The following HECTD3 variants were observed in gnomAD, a reference collection of about 807,000 sequenced individuals.
The protein encoded by HECTD3 is E3 ubiquitin-protein ligase HECTD3.
A neutral mutation model predicts 109.3 loss-of-function variants in HECTD3; 72 were observed. The observed-to-expected ratio is 0.66, with a 90% CI of 0.54 to 0.80. The LOEUF is 0.80. Ranked by LOEUF, HECTD3 falls within the 30% of genes least tolerant of loss-of-function variation. The pLI is 0.00. For synonymous variants in HECTD3, 481 were observed against 471.8 expected, an observed-to-expected ratio of 1.02 and a Z score of -0.25; for missense variants, 1,041 against 1,165.2, an observed-to-expected ratio of 0.89 and a Z score of 1.55.
chr1:45,008,601 C>T lies in HECTD3; in HGVS notation c.1173G>A (p.Val391=). The T allele has an allele frequency of 6.2e-7, 1 of 1,614,016 alleles. No individual in the cohort carries two copies. The highest frequency in any genetic ancestry group is 8.5e-7 in the Non-Finnish European group (1 of 1,179,934). The change falls in exon 8 of 21, where the codon GTG becomes GTA. Residue 391 remains valine, a synonymous_variant. Coordinates refer to ENST00000372172, the MANE Select transcript of HECTD3 (RefSeq NM_024602.6). ...CGGTGCCTTCTAGGCGTGGATATCG[C>T]ACCAGACTAGTTGGCTGGAACAGGT... ...NADLFQPTSL[V]RYPRLEGTDP...
Position 45,003,399 on chromosome 1 carries a change from T to A in HECTD3, c.*93A>T. On this transcript the variant is annotated 3_prime_UTR_variant, in exon 21 of 21. Transcript: ENST00000372172. The surrounding 1 kb of genome is among the most constrained non-coding windows in gnomAD (Gnocchi z 4.7). ...GGCACATGGGGTTTTGCTGAGCACGTCAGCCAAACCAGGGCAGGGAAGGTG... is the reference window on the plus strand; with the variant it reads ...GGCACATGGGGTTTTGCTGAGCACGACAGCCAAACCAGGGCAGGGAAGGTG... 8.6e-7 allele frequency: 1 copy of A among 1,157,608 alleles called. No homozygotes were observed. Among genetic ancestry groups the A allele is most frequent in the Middle Eastern group, 2.8e-4 (1 of 3,632 alleles). 71.7% of individuals were successfully genotyped at this position (1,157,608 alleles called of 1,614,324 possible). A position where few individuals can be genotyped will look rare whatever the true frequency, so the allele number is the denominator to read the frequency against.
intron 15 of HECTD3, 162 bp from the exon 16 acceptor site, chr1:45,004,968 G>A: frequency 1.5e-6 from 1 of 670,124 alleles, no homozygotes. Context: ...AAAGCATCAA[G>A]ACAACACCTA....
At chr1:45,009,821 G>A (rs1012321129) in intron 4 of HECTD3, 138 bp from the exon 5 acceptor site, 23 of 1,042,592 alleles carry the variant, frequency 2.2e-5, no homozygotes, top group African/African-American at 8.0e-5. Flanking sequence ...GGGGGCCGCT[G>A]GGTATGTAAG....
chr1:45,007,151 TGTGTGTTTG>T lies in HECTD3; in HGVS notation c.1556+59_1556+67del, dbSNP rs1557728463. 1.1e-5 allele frequency: 15 copies of T among 1,414,464 alleles called. No individual in the cohort carries two copies. The African/African-American group carries it at 1.7e-4, about 16-fold the overall frequency. The allele number at this position is 1,414,464 out of a possible 1,614,324, so 87.6% of individuals were successfully genotyped here. On this transcript the variant is annotated intron_variant, in intron 11 of 20. Coordinates refer to ENST00000372172, the MANE Select transcript of HECTD3 (RefSeq NM_024602.6). ...TTGTGTGTGTGTGTGTGTGTGTGTG[TGTGTGTTTG>T]TGTGTGTTTGTGTGCACAAACAGGT... is the stretch of plus-strand genomic sequence containing the variant.
chr1:45,005,917 C>T (rs773093390), intron 14 of HECTD3, 34 bp from the exon 15 acceptor site: 14 of 1,604,652 alleles, frequency 8.7e-6, no homozygotes, highest in East Asian at 6.7e-5. Context: ...GTCTTCTCAC[C>T]CTGAGCTGCC....
At position 45,007,126 on chromosome 1, in the gene HECTD3, TTGTGTGTGTGTGTG is replaced by T. The variant is rs56343463; in HGVS notation, c.1556+79_1556+92del. ...TCATGGCGAGGGGTGCCTCGAGCAG[TTGTGTGTGTGTGTG>T]TGTGTGTGTGTGTGTGTTTGTGTGT... On this transcript the variant is annotated intron_variant, in intron 11 of 20. Coordinates refer to ENST00000372172, the MANE Select transcript of HECTD3 (RefSeq NM_024602.6). 8,861 of 1,251,802 alleles carry T rather than the reference TTGTGTGTGTGTGTG, an allele frequency of 7.1e-3. 45 individuals are homozygous for T. The highest frequency in any genetic ancestry group is 0.01 in the Middle Eastern group (49 of 4,786). 77.5% of individuals were successfully genotyped at this position (1,251,802 alleles called of 1,614,324 possible).
At chr1:45,004,832 G>T (rs1644720990) in intron 15 of HECTD3, 26 bp from the exon 16 acceptor site, 1 of 1,600,100 alleles carries the variant, frequency 6.2e-7, no homozygotes. Context: ...AGGCAGGGAG[G>T]TAACCTTTTC....
At chr1:45,004,919 G>C in intron 15 of HECTD3, 113 bp from the exon 16 acceptor site, 1 of 889,344 alleles carries the variant, frequency 1.1e-6, no homozygotes, top group South Asian at 1.4e-5. Flanking sequence ...AGTCCCCATG[G>C]AGGCAGCAGG....
chr1:45,008,409 G>C (rs1486269006), intron 8 of HECTD3, 88 bp from the exon 9 acceptor site: 1 of 1,487,642 alleles, frequency 6.7e-7, no homozygotes, highest in East Asian at 2.3e-5. Context: ...GGAAAAGGCA[G>C]GACCTGGGGG....
chr1:45,007,089 T>C (rs1644742002), intron 11 of HECTD3, 74 bp from the exon 12 acceptor site: 1 of 1,584,482 alleles, frequency 6.3e-7, no homozygotes, highest in African/African-American at 1.3e-5. Context: ...AGAGACCACC[T>C]GGGAAAAGCA....
intron 15 of HECTD3, 58 bp from the exon 16 acceptor site, chr1:45,004,864 T>C (rs1316101094): frequency 6.7e-7 from 1 of 1,481,776 alleles, no homozygotes. Flanking sequence ...AGTCCCTGTC[T>C]TTCCACAAGA....
At position 45,004,659 on chromosome 1, in the gene HECTD3, C is replaced by T; in HGVS notation, c.2083G>A (p.Asp695Asn). Residue 695 changes from aspartate to asparagine, a missense_variant, in exon 16 of 21, where the codon GAC becomes AAC. Transcript: ENST00000372172. ...GGAGIVVGYGDRSRFIQLVQK... is the reference protein window; with the variant it reads ...GGAGIVVGYGNRSRFIQLVQK... ...ACCAGTTGGATGAAACGAGAACGGT[C>T]CCCATATCCCACGACGATGCCTGCA... The T allele has an allele frequency of 6.2e-7, 1 of 1,614,188 alleles. No individual in the cohort carries two copies. Among genetic ancestry groups the T allele is most frequent in the Non-Finnish European group, 8.5e-7 (1 of 1,180,028 alleles).
At chr1:45,009,800 G>A (rs1043961743) in intron 4 of HECTD3, 117 bp from the exon 5 acceptor site, 2 of 1,063,066 alleles carry the variant, frequency 1.9e-6, no homozygotes, top group Non-Finnish European at 2.8e-6. Flanking sequence ...ACAGGCAACT[G>A]GTATGGGATA....
At chr1:45,007,037 T>A in intron 11 of HECTD3, 22 bp from the exon 12 acceptor site, 1 of 1,613,862 alleles carries the variant, frequency 6.2e-7, no homozygotes, top group Non-Finnish European at 8.5e-7. Flanking sequence ...GTGGGCAGAT[T>A]TGTCATTATG....
At chr1:45,008,724 G>A (rs372946688) in intron 7 of HECTD3, 23 bp from the exon 8 acceptor site, 2 of 1,603,092 alleles carry the variant, frequency 1.2e-6, no homozygotes, top group African/African-American at 1.3e-5. Flanking sequence ...GTCAGAGTAA[G>A]GTCATTTACA....
rs116411210 is a variant in HECTD3, at chr1:45,007,633, C to T, written c.1321-38G>A. ...GGTGGCCAGAGCAGGAATGAGTGGG[C>T]AGTCAGCCTCCGTCCAGGCCCTGGA... On this transcript the variant is annotated intron_variant, in intron 9 of 20. Coordinates refer to ENST00000372172, the MANE Select transcript of HECTD3 (RefSeq NM_024602.6). The T allele has an allele frequency of 1.5e-3, 2,315 of 1,560,814 alleles. 1 individual carries two copies. The highest frequency in any genetic ancestry group is 1.9e-3 in the Non-Finnish European group (2,132 of 1,146,730).
At chr1:45,009,822 G>T in intron 4 of HECTD3, 139 bp from the exon 5 acceptor site, 1 of 1,048,792 alleles carries the variant, frequency 9.5e-7, no homozygotes, top group Non-Finnish European at 1.4e-6. Flanking sequence ...GGGGCCGCTG[G>T]GTATGTAAGG....
rs1229310980 is a variant in HECTD3 at position 45,003,261 on chromosome 1, A to C, written c.*231T>G. 1 of 555,534 alleles carries C rather than the reference A, an allele frequency of 1.8e-6. No homozygotes were observed. Among genetic ancestry groups the C allele is most frequent in the East Asian group, 3.0e-5 (1 of 33,520 alleles). The allele number at this position is 555,534 out of a possible 1,614,324, so 34.4% of individuals were successfully genotyped here. On this transcript the variant is annotated 3_prime_UTR_variant, in exon 21 of 21. Transcript: ENST00000372172. The surrounding 1 kb of genome is among the most constrained non-coding windows in gnomAD (Gnocchi z 4.7). ...GGAAGATTCCCTCTTAAGAGGTGAA[A>C]TACCTCGGGAAGCAAGCCCCAGCAC...
chr1:45,004,566 A>G (rs1252588010), intron 16 of HECTD3, 34 bp downstream of exon 16: 1 of 1,611,610 alleles, frequency 6.2e-7, no homozygotes, highest in Admixed American at 1.7e-5. Flanking sequence ...AGGAGGGGCC[A>G]AAGCTCTCTG....
Sources: allele counts gnomAD v4.1 joint callset, GRCh38; gene constraint gnomAD v4.1.1; non-coding constraint Gnocchi (gnomAD v3.1); transcripts MANE v1.5; gene names NCBI Gene and HGNC (gene_info 2026-07-23, HGNC 2026-07-21).